EYS: variants seen among roughly 807,000 people sequenced by gnomAD.
The protein encoded by EYS is protein eyes shut homolog.
Under a neutral mutation model 282.1 loss-of-function variants are expected in EYS, and 250 were observed. The ratio of observed to expected loss-of-function variants is 0.89; its 90% confidence interval spans 0.80 to 0.98. EYS has a LOEUF of 0.98. EYS is among the 50% of genes least tolerant of loss of function. The probability of loss-of-function intolerance (pLI) is 0.00; values close to 1 mark genes in which losing one functional copy is unlikely to be tolerated. For synonymous variants in EYS, 1,355 were observed against 1,282.9 expected, an observed-to-expected ratio of 1.06 and a Z score of -1.20; for missense variants, 4,016 against 3,709.0, an observed-to-expected ratio of 1.08 and a Z score of -2.15.
chr6:64,706,327 A>G (rs1771014671), intron 22 of EYS, among the ~76,000 whole-genome samples: 1 of 152,150 alleles, frequency 6.6e-6, no homozygotes, highest in South Asian at 2.1e-4. Context: ...AACTCAAGAT[A>G]AAGGACTTTA....
At chr6:64,989,457 G>T (rs1770979685) in intron 14 of EYS, among the ~76,000 whole-genome samples, 1 of 76,094 alleles carries the variant, frequency 1.3e-5, no homozygotes, top group Non-Finnish European at 2.3e-5. Context: ...TTACTGGCTA[G>T]CTGTAATATA....
chr6:64,763,205 A>G (rs1382008197), intron 22 of EYS, among the ~76,000 whole-genome samples: 2 of 152,224 alleles, frequency 1.3e-5, no homozygotes, highest in South Asian at 2.1e-4. Context: ...TGGGTGTATC[A>G]GTCTGTTTTC....
At chr6:64,912,946 G>T (rs973940534) in intron 15 of EYS, among the ~76,000 whole-genome samples, 1 of 151,906 alleles carries the variant, frequency 6.6e-6, no homozygotes, top group South Asian at 2.1e-4. Flanking sequence ...TTACCACCTT[G>T]GCTGAAATAA....
At chr6:64,965,422 A>AT (rs1388308159) in intron 14 of EYS, among the ~76,000 whole-genome samples, 1 of 152,026 alleles carries the variant, frequency 6.6e-6, no homozygotes, top group Admixed American at 6.6e-5. Flanking sequence ...TATATATTTT[A>AT]TTTTTTACAT....
rs115202018 is a variant in EYS, at chr6:64,011,888, A to C, written c.6726-12705T>G. 7.3e-3 allele frequency among the ~76,000 whole-genome samples: 1,116 copies of C among 152,188 alleles called. 9 individuals are homozygous for C. Among genetic ancestry groups the C allele is most frequent in the African/African-American group, 0.025 (1,025 of 41,526 alleles). ...AATGCTTTCACAGGTGCAAAACATA[A>C]ATGTTCTTTTCTCTTGTCTTTAGGC... On this transcript the variant is annotated intron_variant, in intron 33 of 42. Transcript: ENST00000503581.
At chr6:64,923,908 G>GAGTA (rs1768431877) in intron 15 of EYS, among the ~76,000 whole-genome samples, 1 of 151,764 alleles carries the variant, frequency 6.6e-6, no homozygotes, top group African/African-American at 2.4e-5. Flanking sequence ...GGCTGGCATT[G>GAGTA]TCTGTGGCTT....
At chr6:64,249,632 A>G (rs1767140909) in intron 30 of EYS, among the ~76,000 whole-genome samples, 1 of 152,216 alleles carries the variant, frequency 6.6e-6, no homozygotes, top group African/African-American at 2.4e-5. Context: ...TTCCAGGGCT[A>G]GAATTGGATA....
At chr6:65,534,739 C>T (rs751538442) in intron 2 of EYS, among the ~76,000 whole-genome samples, 1 of 152,106 alleles carries the variant, frequency 6.6e-6, no homozygotes, top group Non-Finnish European at 1.5e-5. Flanking sequence ...CCGAAGCCTT[C>T]CCCTTTTTCC....
chr6:64,521,073 G>A (rs982952180), intron 26 of EYS, among the ~76,000 whole-genome samples: 4 of 151,828 alleles, frequency 2.6e-5, no homozygotes, highest in South Asian at 2.1e-4. Context: ...GTGACATACA[G>A]GAATAGCCTG....
intron 2 of EYS, among the ~76,000 whole-genome samples, chr6:65,565,343 A>T (rs1396747424): frequency 6.6e-6 from 1 of 151,220 alleles, no homozygotes; most frequent in Non-Finnish European, 1.5e-5. Context: ...AAACATATGA[A>T]AAAAAGCTCA....
intron 33 of EYS, among the ~76,000 whole-genome samples, chr6:64,042,664 C>T (rs1279211870): frequency 6.6e-6 from 1 of 152,160 alleles, no homozygotes; most frequent in African/African-American, 2.4e-5. Flanking sequence ...TTTATACGAC[C>T]TGAGTTCAAT....
chr6:65,063,096 T>C (rs939126516), intron 12 of EYS, among the ~76,000 whole-genome samples: 1 of 151,914 alleles, frequency 6.6e-6, no homozygotes, highest in Non-Finnish European at 1.5e-5. Flanking sequence ...ATATGAAAAT[T>C]ACATAGAAAT....
chr6:63,827,140 A>T (rs935351645), intron 36 of EYS, among the ~76,000 whole-genome samples: 2 of 152,228 alleles, frequency 1.3e-5, no homozygotes, highest in East Asian at 3.9e-4. Context: ...TATCAGAGAA[A>T]TGAACTTTCA....
Position 64,475,413 on chromosome 6 carries a change from T to A in EYS, c.5645-36061A>T, listed in dbSNP as rs1776230697. Among the ~76,000 whole-genome samples, 2 of 119,158 alleles carry A rather than the reference T, an allele frequency of 1.7e-5. 1 individual carries two copies. The highest frequency in any genetic ancestry group is 5.9e-5 in the African/African-American group (2 of 34,124). 78.2% of individuals were successfully genotyped at this position (119,158 alleles called of 152,430 possible). On this transcript the variant is annotated intron_variant, in intron 26 of 42. Coordinates refer to ENST00000503581, the MANE Select transcript of EYS (RefSeq NM_001142800.2). ...AAAAATACAAAAAATTAGCCGGGCG[T>A]AGTGGCGGGCGCCTGTAGTCCCAGC...
Position 65,276,527 on chromosome 6 carries a change from ACT to A in EYS, c.2023+19334_2023+19335del, listed in dbSNP as rs1480924248. On this transcript the variant is annotated intron_variant, in intron 12 of 42. Coordinates refer to ENST00000503581, the MANE Select transcript of EYS (RefSeq NM_001142800.2). Reference sequence around the variant, plus strand: ...GTTACTACACTGCCTGTAGTTATTGACTCTGACTACTAGAGTAGATTGGTCTA... The same window carrying A: ...GTTACTACACTGCCTGTAGTTATTGACTGACTACTAGAGTAGATTGGTCTA... 2.0e-5 allele frequency among the ~76,000 whole-genome samples: 3 copies of A among 152,142 alleles called. No individual in the cohort carries two copies. In the East Asian group the frequency reaches 5.8e-4, roughly 30 times the overall value.
chr6:65,329,627 A>G, intron 11 of EYS: 4 of 982,156 alleles, frequency 4.1e-6, no homozygotes, highest in Non-Finnish European at 4.8e-6. Flanking sequence ...GAAGGCAGAA[A>G]AGTTTGCATA....
chr6:65,121,590 G>T (rs184501967), intron 12 of EYS, among the ~76,000 whole-genome samples: 2 of 152,102 alleles, frequency 1.3e-5, no homozygotes, highest in African/African-American at 2.4e-5. Flanking sequence ...GAATATTTTG[G>T]GGGGAGTGAG....
chr6:65,452,927 C>T (rs1397500874), intron 5 of EYS, among the ~76,000 whole-genome samples: 1 of 151,952 alleles, frequency 6.6e-6, no homozygotes, highest in Admixed American at 6.6e-5. Flanking sequence ...CAAAAGAAGA[C>T]TTTCTTTTAA....
chr6:64,692,320 C>A (rs1047457107), intron 22 of EYS, among the ~76,000 whole-genome samples: 8 of 152,056 alleles, frequency 5.3e-5, no homozygotes, highest in African/African-American at 1.9e-4. Context: ...CTGTTCATGT[C>A]CTTTGCCCAT....
Sources: allele counts gnomAD v4.1 joint callset (sites outside exome capture counted in the v4.1 genomes callset), GRCh38; gene constraint gnomAD v4.1.1; transcripts MANE v1.5; gene names NCBI Gene and HGNC (gene_info 2026-07-23, HGNC 2026-07-21).